The following RANBP17 variants were observed in gnomAD, a reference collection of about 807,000 sequenced individuals.
The protein encoded by RANBP17 is RAN binding protein 17.
RANBP17 carries 158 observed loss-of-function variants against 141.2 expected under a neutral mutation model. The ratio of observed to expected loss-of-function variants is 1.12; its 90% CI spans 0.98 to 1.28. RANBP17 has a LOEUF of 1.28. Among genes scored for constraint, RANBP17 ranks in the 50% most tolerant of loss-of-function variants. The pLI is 0.00. For missense variants in RANBP17, 1,438 were observed against 1,290.7 expected (o/e 1.11, Z -1.75); for synonymous variants, 430 against 450.0 (o/e 0.96, Z 0.56).
chr5:171,185,076 T>C (rs1342870325), intron 18 of RANBP17, among the ~76,000 whole-genome samples: 4 of 152,120 alleles, frequency 2.6e-5, no homozygotes, highest in Admixed American at 1.3e-4. Context: ...GGCAGGAGAA[T>C]TGCTTGAACC....
At chr5:171,183,095 C>G in intron 16 of RANBP17, 72 bp from the exon 17 acceptor site, 1 of 795,264 alleles carries the variant, frequency 1.3e-6, no homozygotes, top group Non-Finnish European at 2.1e-6. Context: ...CACTACAGTT[C>G]ACTGTTACTT....
At chr5:171,013,904 C>T (rs565471138) in intron 14 of RANBP17, among the ~76,000 whole-genome samples, 1 of 152,120 alleles carries the variant, frequency 6.6e-6, no homozygotes, top group South Asian at 2.1e-4. Flanking sequence ...TCCTGATTCT[C>T]TTTGTACTTG....
intron 1 of RANBP17, among the ~76,000 whole-genome samples, chr5:170,877,680 G>A (rs755792841): frequency 2.0e-5 from 3 of 152,062 alleles, no homozygotes; most frequent in East Asian, 3.8e-4. Context: ...TTTATCAGCC[G>A]CACTGACCTT....
intron 14 of RANBP17, among the ~76,000 whole-genome samples, chr5:171,076,543 C>G (rs1224529074): frequency 6.6e-6 from 1 of 152,162 alleles, no homozygotes; most frequent in Non-Finnish European, 1.5e-5. Flanking sequence ...GGAGAAATGT[C>G]TGATTCAAGA....
At chr5:171,248,492 A>G (rs1351542016) in intron 24 of RANBP17, among the ~76,000 whole-genome samples, 3 of 152,236 alleles carry the variant, frequency 2.0e-5, no homozygotes, top group Admixed American at 6.5e-5. Context: ...AGAAAAGGGT[A>G]AATGAGAGAA....
chr5:170,871,044 C>T (rs1012295673), intron 1 of RANBP17, among the ~76,000 whole-genome samples: 5 of 152,032 alleles, frequency 3.3e-5, no homozygotes, highest in African/African-American at 1.2e-4. Context: ...TGTTCATGTC[C>T]TTTGCCCACT....
At chr5:170,872,918 T>C (rs1188902318) in intron 1 of RANBP17, among the ~76,000 whole-genome samples, 1 of 152,148 alleles carries the variant, frequency 6.6e-6, no homozygotes. Flanking sequence ...TTTTTTCTTT[T>C]TTTCTTTTTT....
chr5:171,295,892 C>T lies in RANBP17; in HGVS notation c.3048C>T (p.Phe1016=), dbSNP rs1254752961. 1.2e-6 allele frequency: 2 copies of T among 1,613,034 alleles called. No homozygotes were observed. Among genetic ancestry groups the T allele is most frequent in the East Asian group, 2.2e-5 (1 of 44,846 alleles). The change falls in exon 27 of 28, where the codon TTC becomes TTT. Residue 1016 remains phenylalanine, a synonymous_variant. Transcript: ENST00000523189. The part of the protein sequence containing the change: ...LGLILLNEKY[F]SELRASLINS... ...ACTATTCTGTCTCCCATCAGTATTT[C>T]AGTGAACTGAGAGCAAGTTTGATAA...
At chr5:171,270,079 C>T (rs759759815) in intron 25 of RANBP17, among the ~76,000 whole-genome samples, 1 of 152,166 alleles carries the variant, frequency 6.6e-6, no homozygotes, top group Non-Finnish European at 1.5e-5. Context: ...GTAAAGGAAG[C>T]ATGAACCCCC....
rs376437931 is a variant in RANBP17, at chr5:170,981,430, A to T, written c.1710+13053A>T. ...TGAATTCTCGTGTGTTGTGGGAGGG[A>T]TCTGGTGGGAGGTAATTGAATTCTC... On this transcript the variant is annotated intron_variant, in intron 14 of 27. Coordinates refer to ENST00000523189, the MANE Select transcript of RANBP17 (RefSeq NM_022897.5). Among the ~76,000 whole-genome samples the T allele has an allele frequency of 3.9e-5, 6 of 152,026 alleles. No homozygotes were observed. The East Asian group carries it at 9.7e-4, about 25-fold the overall frequency.
At chr5:171,045,522 A>G (rs906468375) in intron 14 of RANBP17, among the ~76,000 whole-genome samples, 19 of 152,150 alleles carry the variant, frequency 1.2e-4, no homozygotes, top group African/African-American at 3.9e-4. Flanking sequence ...GTGGATGTCA[A>G]AAACAATATG....
intron 12 of RANBP17, among the ~76,000 whole-genome samples, chr5:170,948,516 T>G (rs1774943239): frequency 6.6e-6 from 1 of 152,188 alleles, no homozygotes; most frequent in African/African-American, 2.4e-5. Flanking sequence ...AAAAGAAGTG[T>G]AAGAATTATA....
intron 14 of RANBP17, among the ~76,000 whole-genome samples, chr5:171,062,519 C>T (rs199554639): frequency 1.1e-4 from 16 of 152,232 alleles, no homozygotes; most frequent in African/African-American, 2.6e-4. Context: ...GAGTTTCTGC[C>T]GAGAGATCCG....
intron 11 of RANBP17, among the ~76,000 whole-genome samples, chr5:170,920,938 G>A (rs1772400136): frequency 6.6e-6 from 1 of 151,874 alleles, no homozygotes; most frequent in South Asian, 2.1e-4. Context: ...TTTTGATGGG[G>A]TTGTTTTTTT....
chr5:171,180,556 T>C (rs1427562003), intron 16 of RANBP17, among the ~76,000 whole-genome samples: 2 of 152,148 alleles, frequency 1.3e-5, no homozygotes, highest in East Asian at 3.9e-4. Flanking sequence ...AGAAGAACCC[T>C]AGTCTCTTAG....
At chr5:170,895,637 C>G (rs1770050126) in intron 4 of RANBP17, among the ~76,000 whole-genome samples, 1 of 152,244 alleles carries the variant, frequency 6.6e-6, no homozygotes, top group East Asian at 1.9e-4. Context: ...TGTTGAGTGT[C>G]TCTATCTCAA....
intron 12 of RANBP17, among the ~76,000 whole-genome samples, chr5:170,937,473 A>G (rs371159673): frequency 3.3e-5 from 5 of 152,198 alleles, no homozygotes; most frequent in African/African-American, 1.2e-4. Context: ...CTGTAACTCT[A>G]AATTTCAGCC....
chr5:170,928,395 G>T (rs964204163), intron 12 of RANBP17, among the ~76,000 whole-genome samples: 2 of 151,802 alleles, frequency 1.3e-5, no homozygotes, highest in East Asian at 3.9e-4. Context: ...TGAGGTTTTT[G>T]TATTTATGAA....
At chr5:170,884,744 G>T (rs766436311) in intron 3 of RANBP17, among the ~76,000 whole-genome samples, 78 of 152,038 alleles carry the variant, frequency 5.1e-4, no homozygotes, top group Non-Finnish European at 8.2e-4. Flanking sequence ...TAAATTCAGT[G>T]CCCTGTATCA....
Sources: gnomAD v4.1 joint callset for allele counts (sites outside exome capture counted in the v4.1 genomes callset) on GRCh38, gnomAD v4.1.1 for gene constraint, MANE v1.5 for transcripts, NCBI Gene and HGNC (gene_info 2026-07-23, HGNC 2026-07-21) for gene names.